Variants in DHRS4 observed in about 807,000 individuals in gnomAD.
DHRS4 encodes the protein dehydrogenase/reductase SDR family member 4.
DHRS4 carries 20 observed loss-of-function variants against 28.4 expected under a neutral mutation model. The observed-to-expected ratio is 0.71, with a 90% confidence interval of 0.50 to 1.02. DHRS4 has a LOEUF of 1.02. Among genes scored for constraint, DHRS4 ranks in the 50% least tolerant of loss-of-function variants. The pLI, the probability that DHRS4 is intolerant of heterozygous loss-of-function variation, is 0.00. For missense variants in DHRS4, 378 were observed against 367.2 expected, an observed-to-expected ratio of 1.03 and a Z score of -0.24; for synonymous variants, 144 against 146.4, an observed-to-expected ratio of 0.98 and a Z score of 0.12.
At chr14:23,960,272 C>G (rs2033363482) in intron 3 of DHRS4, among the ~76,000 whole-genome samples, 1 of 152,072 alleles carries the variant, frequency 6.6e-6, no homozygotes. Flanking sequence ...AGGCTTTTTC[C>G]CTGGCATGCT....
At chr14:23,966,166 C>G in intron 5 of DHRS4, 117 bp from the exon 6 acceptor site, 1 of 1,576,160 alleles carries the variant, frequency 6.3e-7, no homozygotes, top group Non-Finnish European at 8.6e-7. Flanking sequence ...AGACAGTTCC[C>G]TAACTCTGCC....
At chr14:23,960,658 A>G (rs2033382827) in intron 3 of DHRS4, among the ~76,000 whole-genome samples, 1 of 152,042 alleles carries the variant, frequency 6.6e-6, no homozygotes, top group African/African-American at 2.4e-5. Flanking sequence ...ACAAAGCTTT[A>G]ATTAAAATAT....
Position 23,962,602 on chromosome 14 carries a change from C to G in DHRS4, c.408+2599C>G, listed in dbSNP as rs539105928. 1.3e-3 allele frequency among the ~76,000 whole-genome samples: 202 copies of G among 151,942 alleles called. 1 individual carries two copies. The highest frequency in any genetic ancestry group is 6.8e-3 in the Middle Eastern group (2 of 294). On this transcript the variant is annotated intron_variant, in intron 3 of 7. Transcript: ENST00000313250. The stretch of plus-strand genomic sequence containing the variant: ...TCCAGCTCCGCTTCTAGTTCTCTTG[C>G]TATTTCCACCACATCTGCAGTTCCT...
intron 1 of DHRS4, 105 bp from the exon 2 acceptor site, chr14:23,954,926 TAGAG>T (rs1191806592): frequency 1.3e-5 from 20 of 1,548,808 alleles, no homozygotes; most frequent in African/African-American, 2.8e-5. Flanking sequence ...AGGGGTTATA[TAGAG>T]AAAGAGCCAG....
At chr14:23,959,245 TAGG>T (rs1404018819) in intron 2 of DHRS4, among the ~76,000 whole-genome samples, 18 of 151,998 alleles carry the variant, frequency 1.2e-4, no homozygotes, top group African/African-American at 4.3e-4. Context: ...CTTGGAAGAA[TAGG>T]AGGTGGGAAG....
intron 2 of DHRS4, among the ~76,000 whole-genome samples, chr14:23,959,314 T>G (rs993295281): frequency 2.0e-5 from 3 of 152,226 alleles, no homozygotes; most frequent in Admixed American, 1.3e-4. Context: ...CTGTAACACT[T>G]TAGGATACTG....
chr14:23,958,368 G>A (rs1419243167), intron 2 of DHRS4, among the ~76,000 whole-genome samples: 1 of 152,100 alleles, frequency 6.6e-6, no homozygotes, highest in Non-Finnish European at 1.5e-5. Flanking sequence ...TTGACCGAGG[G>A]CCCGTGTACT....
In DHRS4 at chr14:23,966,324, C is replaced by T. The variant is rs2033616684; in HGVS notation, c.573C>T (p.Gly191=). The T allele has an allele frequency of 6.2e-7, 1 of 1,614,008 alleles. No individual in the cohort carries two copies. The highest frequency in any genetic ancestry group is 8.5e-7 in the Non-Finnish European group (1 of 1,180,026). The change falls in exon 6 of 8, where the codon GGC becomes GGT. Residue 191 remains glycine (G), a synonymous_variant. Coordinates refer to ENST00000313250, the MANE Select transcript of DHRS4 (RefSeq NM_021004.4). ...ATGTCAGTAAAACAGCCTTGCTGGGCCTGACCAAGACCCTGGCCATAGAGC... is the reference window on the plus strand; with the variant it reads ...ATGTCAGTAAAACAGCCTTGCTGGGTCTGACCAAGACCCTGGCCATAGAGC... The part of the protein sequence containing the change: ...PYNVSKTALL[G]LTKTLAIELA...
intron 2 of DHRS4, among the ~76,000 whole-genome samples, chr14:23,959,307 T>C (rs897711368): frequency 6.6e-6 from 1 of 152,166 alleles, no homozygotes; most frequent in Non-Finnish European, 1.5e-5. Context: ...GTCGCGCCTG[T>C]AACACTTTAG....
At chr14:23,960,273 C>A (rs1467362001) in intron 3 of DHRS4, among the ~76,000 whole-genome samples, 1 of 152,096 alleles carries the variant, frequency 6.6e-6, no homozygotes, top group East Asian at 1.9e-4. Context: ...GGCTTTTTCC[C>A]TGGCATGCTC....
chr14:23,956,070 A>G (rs190620270), intron 2 of DHRS4, among the ~76,000 whole-genome samples: 33 of 152,382 alleles, frequency 2.2e-4, no homozygotes, highest in Admixed American at 1.3e-4. Flanking sequence ...GCAATAGTAG[A>G]CAGTAGTATG....
intron 1 of DHRS4, 96 bp downstream of exon 1, chr14:23,954,012 TA>T: frequency 2.0e-6 from 3 of 1,502,944 alleles, no homozygotes; most frequent in Non-Finnish European, 2.7e-6. Flanking sequence ...CCTCAGACCT[TA>T]CACGCTGCCA....
intron 2 of DHRS4, among the ~76,000 whole-genome samples, chr14:23,957,394 C>A (rs538740547): frequency 6.6e-6 from 1 of 151,894 alleles, no homozygotes; most frequent in Non-Finnish European, 1.5e-5. Flanking sequence ...CTGGACACCA[C>A]GAAGCTTCTC....
At chr14:23,960,030 C>CGGGGGGGCGGG in intron 3 of DHRS4, 27 bp downstream of exon 3, 3 of 1,036,750 alleles carry the variant, frequency 2.9e-6, no homozygotes, top group Admixed American at 4.0e-5. Context: ...GCAGGGGGGC[C>CGGGGGGGCGGG]GGGGGGGGCG....
chr14:23,956,599 CTTTTT>C (rs1229716867), intron 2 of DHRS4, among the ~76,000 whole-genome samples: 1 of 116,974 alleles, frequency 8.5e-6, no homozygotes, highest in Admixed American at 8.4e-5. Flanking sequence ...CCTCCATATC[CTTTTT>C]TTTTTTTTTT....
intron 2 of DHRS4, among the ~76,000 whole-genome samples, chr14:23,958,403 T>A (rs916371535): frequency 6.6e-6 from 1 of 152,172 alleles, no homozygotes; most frequent in Non-Finnish European, 1.5e-5. Context: ...GCATCAAAAT[T>A]GCCAGTTCCG....
chr14:23,955,427 A>AC (rs2033095990), intron 2 of DHRS4, among the ~76,000 whole-genome samples: 1 of 152,066 alleles, frequency 6.6e-6, no homozygotes, highest in East Asian at 1.9e-4. Flanking sequence ...CCCCAAAGAA[A>AC]CAGCTGGTAC....
At chr14:23,964,962 A>G (rs867493462) in intron 3 of DHRS4, among the ~76,000 whole-genome samples, 1,787 of 150,452 alleles carry the variant, frequency 0.012, no homozygotes, top group African/African-American at 0.042. Context: ...TCTTTCAGAA[A>G]ACTTGCAACT....
chr14:23,955,934 G>A (rs1594413776), intron 2 of DHRS4, among the ~76,000 whole-genome samples: 2 of 152,312 alleles, frequency 1.3e-5, no homozygotes, highest in East Asian at 1.9e-4. Context: ...TGAGGCTCAC[G>A]GCATACACTT....
Sources: allele counts gnomAD v4.1 joint callset (sites outside exome capture counted in the v4.1 genomes callset), GRCh38; gene constraint gnomAD v4.1.1; transcripts MANE v1.5; gene names NCBI Gene and HGNC (gene_info 2026-07-23, HGNC 2026-07-21).